SYN3: variants seen among roughly 807,000 people sequenced by gnomAD.
SYN3 encodes synapsin-3.
In SYN3, 35 loss-of-function variants were observed where a neutral mutation model predicts 65.8. The ratio of observed to expected loss-of-function variants is 0.53; its 90% CI spans 0.41 to 0.70. SYN3 has a LOEUF of 0.70. Among genes scored for constraint, SYN3 ranks in the 30% least tolerant of loss-of-function variants. The pLI, the probability that SYN3 is intolerant of heterozygous loss-of-function variation, is 0.00. For missense variants in SYN3, 680 were observed against 749.0 expected (o/e 0.91, Z 1.08); for synonymous variants, 270 against 292.9 (o/e 0.92, Z 0.80).
intron 2 of SYN3, among the ~76,000 whole-genome samples, chr22:32,985,945 C>T (rs1286104041): frequency 1.3e-5 from 2 of 152,062 alleles, no homozygotes; most frequent in Non-Finnish European, 2.9e-5. Context: ...AGCGTCCTCC[C>T]TTGGTTCCTA....
At chr22:32,729,860 C>T (rs1249102923) in intron 6 of SYN3, among the ~76,000 whole-genome samples, 1 of 152,172 alleles carries the variant, frequency 6.6e-6, no homozygotes. Context: ...CCCTCAGTTT[C>T]TTCTTTCTTC....
At chr22:32,563,602 AGGACCCT>A (rs1186770223) in intron 7 of SYN3, among the ~76,000 whole-genome samples, 1 of 152,186 alleles carries the variant, frequency 6.6e-6, no homozygotes, top group East Asian at 1.9e-4. Context: ...ATGTGCCGAG[AGGACCCT>A]GGAAAAGTTG....
intron 6 of SYN3, among the ~76,000 whole-genome samples, chr22:32,636,243 C>T (rs2059813130): frequency 1.3e-5 from 2 of 150,480 alleles, no homozygotes; most frequent in African/African-American, 4.9e-5. Flanking sequence ...CTACTAACAA[C>T]ACAAAAAAAT....
intron 6 of SYN3, among the ~76,000 whole-genome samples, chr22:32,713,043 A>AT (rs1362548893): frequency 2.0e-5 from 3 of 151,750 alleles, no homozygotes; most frequent in South Asian, 4.2e-4. Context: ...GAGACACTGT[A>AT]TTTTTTTTCC....
At position 32,721,466 on chromosome 22, in the gene SYN3, T is replaced by A. The variant is rs531321926; in HGVS notation, c.712-124730A>T. Among the ~76,000 whole-genome samples the A allele has an allele frequency of 1.2e-4, 19 of 152,280 alleles. No homozygotes were observed. In the South Asian group the frequency reaches 3.9e-3, roughly 32 times the overall value. On this transcript the variant is annotated intron_variant, in intron 6 of 13. Transcript: ENST00000358763. ...TCCATCCATCCATCCCAAGGGCAACTTGTGGATCCAGAGATCCAGAAAATG... is the reference window on the plus strand; with the variant it reads ...TCCATCCATCCATCCCAAGGGCAACATGTGGATCCAGAGATCCAGAAAATG...
chr22:32,651,329 A>G (rs1343017690), intron 6 of SYN3, among the ~76,000 whole-genome samples: 2 of 151,652 alleles, frequency 1.3e-5, no homozygotes, highest in Non-Finnish European at 3.0e-5. Flanking sequence ...GAAGTTCAGA[A>G]GAAGATGAGC....
At chr22:32,876,389 T>TA (rs1206621314) in intron 4 of SYN3, among the ~76,000 whole-genome samples, 1 of 151,998 alleles carries the variant, frequency 6.6e-6, no homozygotes, top group Non-Finnish European at 1.5e-5. Context: ...ACCCCAACAA[T>TA]AAAAAACCTT....
rs150398820 is a variant in SYN3, at chr22:32,612,163, C to G, written c.712-15427G>C. ...CTGTTCTTTATATCCTTTCTCACATCTCTTATAATAAACCAATAAATATAA... is the reference window on the plus strand; with the variant it reads ...CTGTTCTTTATATCCTTTCTCACATGTCTTATAATAAACCAATAAATATAA... On this transcript the variant is annotated intron_variant, in intron 6 of 13. Transcript: ENST00000358763. 1.2e-4 allele frequency among the ~76,000 whole-genome samples: 19 copies of G among 152,276 alleles called. 1 individual carries two copies. The East Asian group carries it at 3.5e-3, about 28-fold the overall frequency.
At chr22:32,555,724 G>A (rs2092673111) in intron 7 of SYN3, among the ~76,000 whole-genome samples, 1 of 152,122 alleles carries the variant, frequency 6.6e-6, no homozygotes, top group Non-Finnish European at 1.5e-5. Flanking sequence ...CTCCTAGTTG[G>A]AGATAATAAA....
intron 6 of SYN3, among the ~76,000 whole-genome samples, chr22:32,857,757 C>T (rs191992370): frequency 6.6e-6 from 1 of 152,272 alleles, no homozygotes; most frequent in African/African-American, 2.4e-5. Flanking sequence ...AAGAGTTGGC[C>T]TCTAGTCCTA....
intron 7 of SYN3, 91 bp from the exon 8 acceptor site, chr22:32,541,804 C>A: frequency 6.9e-7 from 1 of 1,451,412 alleles, no homozygotes; most frequent in Non-Finnish European, 9.3e-7. Flanking sequence ...TCTATAGACA[C>A]GAATTCCCTT....
At chr22:32,773,286 A>G (rs368650669) in intron 6 of SYN3, among the ~76,000 whole-genome samples, 21 of 152,060 alleles carry the variant, frequency 1.4e-4, no homozygotes, top group African/African-American at 4.6e-4. Context: ...ATGAGCCTGT[A>G]GTCCCAACTA....
intron 6 of SYN3, among the ~76,000 whole-genome samples, chr22:32,651,390 T>C (rs765597387): frequency 7.1e-4 from 108 of 152,146 alleles, no homozygotes; most frequent in Admixed American, 1.8e-3. Context: ...TTTCCTTGAG[T>C]TAGGAGGTCT....
chr22:33,012,939 A>C (rs1483061584), intron 1 of SYN3, among the ~76,000 whole-genome samples: 1 of 152,240 alleles, frequency 6.6e-6, no homozygotes, highest in Non-Finnish European at 1.5e-5. Context: ...TTTCTCCAGC[A>C]ACCTCAAATC....
intron 8 of SYN3, among the ~76,000 whole-genome samples, chr22:32,538,432 G>C (rs1214653851): frequency 2.0e-5 from 3 of 152,206 alleles, no homozygotes; most frequent in Non-Finnish European, 4.4e-5. Flanking sequence ...TGAGGGCAGT[G>C]TGTATAGCCC....
chr22:32,951,856 C>A (rs1442633413), intron 3 of SYN3, among the ~76,000 whole-genome samples: 5 of 152,220 alleles, frequency 3.3e-5, no homozygotes. Flanking sequence ...CTTGTGCACA[C>A]CAGTTTGCAG....
chr22:32,893,672 C>T (rs186982154), intron 4 of SYN3, among the ~76,000 whole-genome samples: 5 of 152,242 alleles, frequency 3.3e-5, no homozygotes, highest in Admixed American at 1.3e-4. Context: ...AACTGGTCCA[C>T]ACCTCCACAT....
intron 6 of SYN3, among the ~76,000 whole-genome samples, chr22:32,727,256 G>A (rs1046333096): frequency 1.3e-5 from 2 of 152,128 alleles, no homozygotes; most frequent in Admixed American, 1.3e-4. Context: ...TTCTGTTCCT[G>A]CATTAGTTTG....
At chr22:32,700,210 A>G (rs1319091534) in intron 6 of SYN3, among the ~76,000 whole-genome samples, 2 of 152,190 alleles carry the variant, frequency 1.3e-5, no homozygotes, top group Admixed American at 1.3e-4. Context: ...TATGGAGACT[A>G]TAAGAGTCTT....
Sources: gnomAD v4.1 joint callset for allele counts (sites outside exome capture counted in the v4.1 genomes callset) on GRCh38, gnomAD v4.1.1 for gene constraint, MANE v1.5 for transcripts, NCBI Gene and HGNC (gene_info 2026-07-23, HGNC 2026-07-21) for gene names.